The following SF3A3 variants were observed in gnomAD, a reference collection of about 807,000 sequenced individuals.
SF3A3 encodes the protein splicing factor 3a subunit 3.
A neutral mutation model predicts 85.8 loss-of-function variants in SF3A3; 9 were observed. The ratio of observed to expected loss-of-function variants is 0.10; its 90% CI spans 0.06 to 0.18. The LOEUF (loss-of-function observed/expected upper bound fraction) is 0.18. Among genes scored for constraint, SF3A3 ranks in the 10% least tolerant of loss-of-function variants. The pLI is 1.00. For missense variants in SF3A3, 306 were observed against 593.3 expected, an observed-to-expected ratio of 0.52 and a Z score of 5.03; for synonymous variants, 195 against 204.4, an observed-to-expected ratio of 0.95 and a Z score of 0.39.
At chr1:37,971,728 T>C (rs986488116) in intron 12 of SF3A3, among the ~76,000 whole-genome samples, 34 of 152,102 alleles carry the variant, frequency 2.2e-4, no homozygotes, top group Non-Finnish European at 4.6e-4. Flanking sequence ...ACGTAATCCA[T>C]CATATAAACA....
At chr1:37,971,487 T>TCCTC (rs1384114498) in intron 12 of SF3A3, among the ~76,000 whole-genome samples, 1 of 152,076 alleles carries the variant, frequency 6.6e-6, no homozygotes, top group East Asian at 1.9e-4. Flanking sequence ...AAAGAGGGAA[T>TCCTC]CCTCCCTAAC....
At chr1:37,963,197 T>A (rs1646274172) in intron 15 of SF3A3, among the ~76,000 whole-genome samples, 1 of 151,936 alleles carries the variant, frequency 6.6e-6, no homozygotes, top group South Asian at 2.1e-4. Flanking sequence ...TCTAAACAAG[T>A]TAATCCAGGC....
chr1:37,984,808 A>T (rs1175394759), intron 4 of SF3A3, 29 bp from the exon 5 acceptor site: 1 of 1,593,274 alleles, frequency 6.3e-7, no homozygotes, highest in Admixed American at 1.7e-5. Flanking sequence ...GCTCAGGTGG[A>T]TTTTTCTTTT....
At chr1:37,970,043 G>A (rs899324924) in intron 12 of SF3A3, among the ~76,000 whole-genome samples, 4 of 152,064 alleles carry the variant, frequency 2.6e-5, no homozygotes, top group Non-Finnish European at 5.9e-5. Context: ...GGTGGCTCAC[G>A]CCTGTAATCC....
At chr1:37,976,421 T>C (rs898161689) in intron 12 of SF3A3, among the ~76,000 whole-genome samples, 1 of 152,318 alleles carries the variant, frequency 6.6e-6, no homozygotes, top group African/African-American at 2.4e-5. Context: ...AGCTTTGTAC[T>C]AATAATATTC....
chr1:37,964,744 C>T (rs1485840770), intron 15 of SF3A3, among the ~76,000 whole-genome samples: 2 of 152,080 alleles, frequency 1.3e-5, no homozygotes, highest in Non-Finnish European at 2.9e-5. Flanking sequence ...CTATGTGCTT[C>T]AGCAGCACAT....
chr1:37,958,813 C>T (rs1362893660), intron 16 of SF3A3, among the ~76,000 whole-genome samples: 2 of 152,186 alleles, frequency 1.3e-5, no homozygotes, highest in Admixed American at 1.3e-4. Context: ...AAAAGGGAGG[C>T]TATTGTCAGT....
Position 37,958,012 on chromosome 1 carries a change from T to C in SF3A3, c.*174A>G. The C allele has an allele frequency of 1.7e-6, 1 of 588,050 alleles. No individual in the cohort carries two copies. The allele number at this position is 588,050 out of a possible 1,614,324, so 36.4% of individuals were successfully genotyped here. A position where few individuals can be genotyped will look rare whatever the true frequency, so the allele number is the denominator to read the frequency against. On this transcript the variant is annotated 3_prime_UTR_variant, in exon 17 of 17. Coordinates refer to ENST00000373019, the MANE Select transcript of SF3A3 (RefSeq NM_006802.4). ...AGAATCTTTTAAAATATAAAACAGA[T>C]AAAACACATCTCAACCCTGCAATCT...
rs561834328 is a variant in SF3A3, at chr1:37,973,154, G to A, written c.1006-3419C>T. 4.6e-5 allele frequency among the ~76,000 whole-genome samples: 7 copies of A among 152,112 alleles called. No homozygotes were observed. The South Asian group carries it at 8.3e-4, about 18-fold the overall frequency. ...GGATCATGCCACTACACTCCAGCCTGGGCGACAGAGTGAGACTCTGTCTCC... is the reference window on the plus strand; with the variant it reads ...GGATCATGCCACTACACTCCAGCCTAGGCGACAGAGTGAGACTCTGTCTCC... On this transcript the variant is annotated intron_variant, in intron 12 of 16. Transcript: ENST00000373019.
At chr1:37,980,506 A>G (rs1280606206) in intron 8 of SF3A3, 80 bp downstream of exon 8, 4 of 1,477,342 alleles carry the variant, frequency 2.7e-6, no homozygotes, top group Non-Finnish European at 3.7e-6. Flanking sequence ...CTAATGCCCT[A>G]AAGTGGAAGC....
At chr1:37,980,856 T>C in intron 7 of SF3A3, 132 bp from the exon 8 acceptor site, 2 of 740,698 alleles carry the variant, frequency 2.7e-6, no homozygotes, top group Non-Finnish European at 3.8e-6. Flanking sequence ...TTTTTTTTTT[T>C]TTTTTTTTTT....
chr1:37,969,655 C>T lies in SF3A3; in HGVS notation c.1086G>A (p.Glu362=). ...CTTCACTCTCACTCTCACTGATCTG[C>T]TCTTCTTCCTCTTCTTCTCGCTCTT... ...TGEEREEEEE[E]QISESESEDE... Residue 362 remains glutamate (E), a synonymous_variant, in exon 13 of 17, where the codon GAG becomes GAA. Coordinates refer to ENST00000373019, the MANE Select transcript of SF3A3 (RefSeq NM_006802.4). 1 of 1,613,850 alleles carries T rather than the reference C, an allele frequency of 6.2e-7. No individual in the cohort carries two copies. The highest frequency in any genetic ancestry group is 8.5e-7 in the Non-Finnish European group (1 of 1,179,730).
rs139118975 is a variant in SF3A3 at position 37,979,511 on chromosome 1, G to T, written c.713C>A (p.Thr238Asn). Residue 238 changes from threonine (T) to asparagine (N), a missense_variant, in exon 9 of 17, where the codon ACC (threonine) becomes AAC (asparagine). Coordinates refer to ENST00000373019, the MANE Select transcript of SF3A3 (RefSeq NM_006802.4). Reference protein sequence around the residue: ...GWPKETSSALTHAGAHLDLSA... With the variant: ...GWPKETSSALNHAGAHLDLSA... Reference sequence around the variant, plus strand: ...GAGGTCAAGATGGGCTCCAGCATGGGTCAGGGCACTGCTTGTCTCTTTCTG... The same window carrying T: ...GAGGTCAAGATGGGCTCCAGCATGGTTCAGGGCACTGCTTGTCTCTTTCTG... 2.5e-6 allele frequency: 4 copies of T among 1,612,926 alleles called. 1 individual carries two copies. The highest frequency in any genetic ancestry group is 1.3e-5 in the African/African-American group (1 of 74,878).
At chr1:37,977,840 AAAAC>A (rs1042993315) in intron 11 of SF3A3, among the ~76,000 whole-genome samples, 7 of 152,000 alleles carry the variant, frequency 4.6e-5, no homozygotes, top group African/African-American at 1.2e-4. Context: ...CTCCGTCTCA[AAAAC>A]AAACAAACAA....
rs143869669 is a variant in SF3A3 at position 37,959,826 on chromosome 1, C to T, written c.1428+294G>A. Among the ~76,000 whole-genome samples the T allele has an allele frequency of 4.0e-3, 603 of 151,824 alleles. 3 individuals are homozygous for T. The highest frequency in any genetic ancestry group is 0.014 in the African/African-American group (564 of 41,416). ...TACAAAAATTAGTCGGGTGTGGTGG[C>T]GGGCGCCTGTAATCTCAGCTACTCG... On this transcript the variant is annotated intron_variant, in intron 16 of 16. Transcript: ENST00000373019.
At chr1:37,981,601 C>T (rs1268582883) in intron 7 of SF3A3, 128 bp downstream of exon 7, 3 of 701,238 alleles carry the variant, frequency 4.3e-6, no homozygotes, top group East Asian at 2.6e-5. Context: ...TAACCCCATC[C>T]TCCAATAAAC....
intron 15 of SF3A3, among the ~76,000 whole-genome samples, chr1:37,966,077 C>T (rs1464131337): frequency 6.6e-6 from 1 of 151,960 alleles, no homozygotes; most frequent in Non-Finnish European, 1.5e-5. Flanking sequence ...GTGGCGAGCG[C>T]TTGTAATTCC....
intron 12 of SF3A3, among the ~76,000 whole-genome samples, chr1:37,974,460 G>A (rs887164821): frequency 6.6e-6 from 1 of 151,932 alleles, no homozygotes; most frequent in African/African-American, 2.4e-5. Flanking sequence ...CCGCCACTAT[G>A]CCTGGCTAAT....
intron 4 of SF3A3, among the ~76,000 whole-genome samples, chr1:37,986,831 AAGAC>A (rs1431748617): frequency 5.1e-4 from 77 of 151,380 alleles, no homozygotes; most frequent in African/African-American, 1.7e-3. Context: ...AAAAAAAAAA[AAGAC>A]AGAGTTAGGA....
Sources: gnomAD v4.1 joint callset for allele counts (sites outside exome capture counted in the v4.1 genomes callset) on GRCh38, gnomAD v4.1.1 for gene constraint, MANE v1.5 for transcripts, NCBI Gene and HGNC (gene_info 2026-07-23, HGNC 2026-07-21) for gene names.